NRXN3: variants seen among roughly 807,000 people sequenced by gnomAD.
The protein encoded by NRXN3 is neurexin 3, also known as neurexin III.
In NRXN3, 32 loss-of-function variants were observed where a neutral mutation model predicts 137.6. The observed-to-expected ratio is 0.23, with a 90% CI of 0.18 to 0.31. The LOEUF is 0.31. NRXN3 is among the 10% of genes least tolerant of loss of function. The probability of loss-of-function intolerance (pLI) is 1.00; values close to 1 mark genes in which losing one functional copy is unlikely to be tolerated. For synonymous variants in NRXN3, 798 were observed against 784.5 expected (o/e 1.02, Z -0.29); for missense variants, 1,574 against 2,062.5 (o/e 0.76, Z 4.59).
intron 7 of NRXN3, among the ~76,000 whole-genome samples, chr14:78,713,667 G>C (rs1433264654): frequency 6.6e-6 from 1 of 152,140 alleles, no homozygotes; most frequent in African/African-American, 2.4e-5. Flanking sequence ...AGCATGGCTG[G>C]GGAGGCCTCA....
chr14:79,562,009 T>C (rs1329292341), intron 16 of NRXN3, among the ~76,000 whole-genome samples: 2 of 152,180 alleles, frequency 1.3e-5, no homozygotes, highest in Non-Finnish European at 2.9e-5. Context: ...GGTGTTTACT[T>C]ATTTTCTAAA....
chr14:79,601,748 C>CAT (rs2097924418), intron 16 of NRXN3, among the ~76,000 whole-genome samples: 1 of 152,172 alleles, frequency 6.6e-6, no homozygotes, highest in Non-Finnish European at 1.5e-5. Flanking sequence ...GGTTACAACT[C>CAT]ATATGACTAC....
At chr14:79,169,512 C>T (rs1451207634) in intron 15 of NRXN3, among the ~76,000 whole-genome samples, 1 of 152,114 alleles carries the variant, frequency 6.6e-6, no homozygotes, top group Non-Finnish European at 1.5e-5. Context: ...TTTTCTTTCT[C>T]TGCCTCAGAG....
At chr14:78,258,574 A>G (rs2070096374) in intron 2 of NRXN3, among the ~76,000 whole-genome samples, 1 of 152,130 alleles carries the variant, frequency 6.6e-6, no homozygotes. Context: ...TGGGAACTGT[A>G]ATATTTAGGA....
intron 10 of NRXN3, among the ~76,000 whole-genome samples, chr14:78,831,544 A>C (rs1162200852): frequency 6.7e-6 from 1 of 149,054 alleles, no homozygotes; most frequent in African/African-American, 2.5e-5. Flanking sequence ...CAAAAAAAAA[A>C]AAAAAAAAAA....
chr14:78,413,541 C>G (rs1174802214), intron 4 of NRXN3, among the ~76,000 whole-genome samples: 1 of 152,142 alleles, frequency 6.6e-6, no homozygotes, highest in Non-Finnish European at 1.5e-5. Flanking sequence ...CGAGGCCTCC[C>G]AAATTGCTGG....
chr14:79,533,716 A>G (rs2097188711), intron 16 of NRXN3, among the ~76,000 whole-genome samples: 1 of 152,182 alleles, frequency 6.6e-6, no homozygotes, highest in South Asian at 2.1e-4. Context: ...TCCTTGCCCC[A>G]CAAATCACTT....
chr14:79,663,169 C>T (rs1229205822), intron 16 of NRXN3, among the ~76,000 whole-genome samples: 2 of 151,968 alleles, frequency 1.3e-5, no homozygotes, highest in Non-Finnish European at 2.9e-5. Flanking sequence ...AGGTGAGTTT[C>T]ATTGGCCTCT....
At chr14:78,240,642 G>T (rs541989618) in intron 1 of NRXN3, among the ~76,000 whole-genome samples, 10 of 152,310 alleles carry the variant, frequency 6.6e-5, no homozygotes, top group Admixed American at 4.6e-4. Flanking sequence ...TCTGCCTCTT[G>T]AACCTGGTAC....
At chr14:78,805,590 A>G (rs2098859781) in intron 9 of NRXN3, among the ~76,000 whole-genome samples, 1 of 149,604 alleles carries the variant, frequency 6.7e-6, no homozygotes, top group African/African-American at 2.5e-5. Context: ...CTCCTCAGAA[A>G]AAAACAACAG....
intron 16 of NRXN3, among the ~76,000 whole-genome samples, chr14:79,610,707 C>G (rs1202745547): frequency 6.6e-6 from 1 of 152,192 alleles, no homozygotes; most frequent in Non-Finnish European, 1.5e-5. Context: ...TCCCCAAAGA[C>G]TCATGCCCTT....
At chr14:78,704,979 TTC>T (rs1334015366) in intron 6 of NRXN3, among the ~76,000 whole-genome samples, 20 of 152,184 alleles carry the variant, frequency 1.3e-4, no homozygotes, top group African/African-American at 4.8e-4. Context: ...AACTTTGAGA[TTC>T]TGTCCTCAGC....
At chr14:78,872,153 T>G (rs911369108) in intron 10 of NRXN3, among the ~76,000 whole-genome samples, 1 of 151,420 alleles carries the variant, frequency 6.6e-6, no homozygotes, top group Admixed American at 6.6e-5. Context: ...TACATCAATG[T>G]TGATTTTAGG....
chr14:78,632,914 A>T (rs993414159), intron 4 of NRXN3, among the ~76,000 whole-genome samples: 3 of 152,044 alleles, frequency 2.0e-5, no homozygotes, highest in African/African-American at 7.2e-5. Flanking sequence ...TATAGCAAAA[A>T]TAAAAAATCT....
intron 19 of NRXN3, among the ~76,000 whole-genome samples, chr14:79,772,946 C>A (rs548785881): frequency 2.6e-3 from 403 of 152,188 alleles, no homozygotes; most frequent in African/African-American, 9.5e-3. Flanking sequence ...AAACATACAA[C>A]CCCATCAAAA....
chr14:79,662,686 G>A (rs973931946), intron 16 of NRXN3, among the ~76,000 whole-genome samples: 3 of 152,198 alleles, frequency 2.0e-5, no homozygotes, highest in African/African-American at 7.2e-5. Context: ...CTTCTGGGGA[G>A]CCCTCAGGAA....
At chr14:79,549,837 C>A (rs1385356641) in intron 16 of NRXN3, among the ~76,000 whole-genome samples, 3 of 152,124 alleles carry the variant, frequency 2.0e-5, no homozygotes, top group Non-Finnish European at 2.9e-5. Context: ...TACCGAGGGG[C>A]TCTGCGGTTG....
chr14:79,843,378 G>A (rs976718323), intron 20 of NRXN3, among the ~76,000 whole-genome samples: 5 of 152,212 alleles, frequency 3.3e-5, no homozygotes, highest in African/African-American at 1.2e-4. Flanking sequence ...TTCAGCGAAT[G>A]TTTTTGCTGG....
chr14:78,521,971 G>A (rs536461036), intron 4 of NRXN3, among the ~76,000 whole-genome samples: 8 of 152,078 alleles, frequency 5.3e-5, no homozygotes, highest in Non-Finnish European at 1.2e-4. Flanking sequence ...GGAAGGAATA[G>A]GTAAGAGATG....
Sources: gnomAD v4.1 joint callset for allele counts (sites outside exome capture counted in the v4.1 genomes callset) on GRCh38, gnomAD v4.1.1 for gene constraint, MANE v1.5 for transcripts, NCBI Gene and HGNC (gene_info 2026-07-23, HGNC 2026-07-21) for gene names.